LIMCH1: variants seen among roughly 807,000 people sequenced by gnomAD.
The protein encoded by LIMCH1 is LIM and calponin homology domains 1, also known as LIM and calponin homology domains-containing protein 1.
In LIMCH1, 113 loss-of-function variants were observed where a neutral mutation model predicts 176.5. The observed-to-expected ratio is 0.64, with a 90% CI of 0.55 to 0.75. The LOEUF is 0.75. LIMCH1 is among the 30% of genes least tolerant of loss of function. The pLI, the probability that LIMCH1 is intolerant of heterozygous loss-of-function variation, is 0.00. For synonymous variants in LIMCH1, 619 were observed against 645.9 expected (o/e 0.96, Z 0.63); for missense variants, 1,674 against 1,814.9 (o/e 0.92, Z 1.41).
At chr4:41,692,189 G>A in intron 30 of LIMCH1, 93 bp from the exon 31 acceptor site, 1 of 772,724 alleles carries the variant, frequency 1.3e-6, no homozygotes, top group Non-Finnish European at 2.3e-6. Flanking sequence ...ATTGTAGAAG[G>A]GATTATTGTG....
chr4:41,577,237 G>A (rs1056496382), intron 1 of LIMCH1, among the ~76,000 whole-genome samples: 3 of 151,556 alleles, frequency 2.0e-5, no homozygotes, highest in African/African-American at 7.3e-5. Context: ...CTGGAGACCA[G>A]AACTAAAAGG....
intron 1 of LIMCH1, among the ~76,000 whole-genome samples, chr4:41,486,177 T>C (rs1326282083): frequency 6.6e-6 from 1 of 152,202 alleles, no homozygotes; most frequent in East Asian, 1.9e-4. Flanking sequence ...TGAATGCTTC[T>C]GAACCTGGGC....
intron 1 of LIMCH1, among the ~76,000 whole-genome samples, chr4:41,439,649 A>G (rs1212546473): frequency 6.6e-6 from 1 of 152,032 alleles, no homozygotes; most frequent in Non-Finnish European, 1.5e-5. Context: ...TCACGCTTGG[A>G]ATCCCAGCAC....
chr4:41,603,971 G>A lies in LIMCH1; in HGVS notation c.-103+66G>A, dbSNP rs2090339268. On this transcript the variant is annotated intron_variant, in intron 3 of 31. Coordinates refer to ENST00000503057, the MANE Select transcript of LIMCH1 (RefSeq NM_001330672.2). ...AAGTGTAAAATTTAGCTAATTCAGT[G>A]TTTCTCATATGCCTTGCTGGAAAAA... is the stretch of plus-strand genomic sequence containing the variant. 2.2e-6 allele frequency: 3 copies of A among 1,364,484 alleles called. No individual in the cohort carries two copies. In the African/African-American group the frequency reaches 4.3e-5, roughly 20 times the overall value. 84.5% of individuals were successfully genotyped at this position (1,364,484 alleles called of 1,614,324 possible). A position where few individuals can be genotyped will look rare whatever the true frequency, so the allele number is the denominator to read the frequency against.
chr4:41,546,138 C>G lies in LIMCH1; in HGVS notation c.-241+7788C>G, dbSNP rs550381845. 3.3e-5 allele frequency among the ~76,000 whole-genome samples: 5 copies of G among 151,974 alleles called. No individual in the cohort carries two copies. The South Asian group carries it at 1.0e-3, about 32-fold the overall frequency. Reference sequence around the variant, plus strand: ...AGAGTAGAAAGAAGCCTTCATTGGTCTGTTTTTTTTGTTTTTTTGAGATGG... The same window carrying G: ...AGAGTAGAAAGAAGCCTTCATTGGTGTGTTTTTTTTGTTTTTTTGAGATGG... On this transcript the variant is annotated intron_variant, in intron 1 of 31. Transcript: ENST00000503057.
At chr4:41,632,702 C>A in intron 10 of LIMCH1, 47 bp from the exon 11 acceptor site, 1 of 1,433,946 alleles carries the variant, frequency 7.0e-7, no homozygotes, top group South Asian at 1.2e-5. Context: ...TTTCGTAACC[C>A]ATGTTCCTCT....
intron 1 of LIMCH1, among the ~76,000 whole-genome samples, chr4:41,486,889 C>T (rs962675270): frequency 6.6e-6 from 1 of 151,626 alleles, no homozygotes; most frequent in Non-Finnish European, 1.5e-5. Flanking sequence ...TCAAGTGATT[C>T]TCCTCCCTCA....
chr4:41,458,908 A>C (rs1582539273), intron 1 of LIMCH1, among the ~76,000 whole-genome samples: 1 of 152,120 alleles, frequency 6.6e-6, no homozygotes, highest in South Asian at 2.1e-4. Flanking sequence ...ATGACTTTGC[A>C]TGAACTTATA....
At chr4:41,570,274 C>G (rs151238163) in intron 1 of LIMCH1, among the ~76,000 whole-genome samples, 1 of 152,348 alleles carries the variant, frequency 6.6e-6, no homozygotes, top group Non-Finnish European at 1.5e-5. Flanking sequence ...AAGCTCTGAC[C>G]TGAGGCATTC....
rs116532696 is a variant in LIMCH1 at position 41,375,870 on chromosome 4, G to A, written c.96+14934G>A. Among the ~76,000 whole-genome samples, 1,430 of 152,306 alleles carry A rather than the reference G, an allele frequency of 9.4e-3. 21 individuals are homozygous for A. The highest frequency in any genetic ancestry group is 0.031 in the African/African-American group (1,308 of 41,562). On this transcript the variant is annotated intron_variant, in intron 1 of 26. Coordinates refer to the LIMCH1 transcript ENST00000313860. ...GAGTCAGGATACTTGAAAGCTCACA[G>A]GTTACTTTGCTAATTCTTGGGCAGA...
At chr4:41,584,689 T>G (rs2152696030) in intron 1 of LIMCH1, among the ~76,000 whole-genome samples, 1 of 152,318 alleles carries the variant, frequency 6.6e-6, no homozygotes, top group South Asian at 2.1e-4. Context: ...TGTTTGTTTG[T>G]TTGTTTTGCA....
chr4:41,443,935 T>C (rs1463206864), intron 1 of LIMCH1, among the ~76,000 whole-genome samples: 2 of 152,210 alleles, frequency 1.3e-5, no homozygotes, highest in Admixed American at 6.5e-5. Flanking sequence ...TTAAAACTCG[T>C]AGACTCAAGG....
In LIMCH1 at chr4:41,619,314, TC is replaced by T; in HGVS notation, c.335del (p.Pro112ArgfsTer14). On this transcript the variant is annotated frameshift_variant, in exon 6 of 32. Coordinates refer to ENST00000503057, the MANE Select transcript of LIMCH1 (RefSeq NM_001330672.2). LOFTEE classifies it high-confidence loss of function. Reference sequence around the variant, plus strand: ...TCAGCAGTGCCTTTTAACCAGTACCTCCCGAACAAAAGCAATCAGACGGCCT... The same window carrying T: ...TCAGCAGTGCCTTTTAACCAGTACCTCCGAACAAAAGCAATCAGACGGCCT... ...PKSAVPFNQYLPNKSNQTAYV... is the reference protein window; with the variant it reads ...PKSAVPFNQYXPNKSNQTAYV... The T allele has an allele frequency of 1.2e-6, 2 of 1,614,022 alleles. No homozygotes were observed. The highest frequency in any genetic ancestry group is 1.7e-6 in the Non-Finnish European group (2 of 1,180,014).
intron 1 of LIMCH1, among the ~76,000 whole-genome samples, chr4:41,366,741 C>T (rs1469086178): frequency 3.3e-5 from 5 of 152,122 alleles, no homozygotes; most frequent in South Asian, 2.1e-4. Context: ...GGAATGATGC[C>T]GTGGAATTCA....
At chr4:41,680,852 A>G in intron 24 of LIMCH1, 103 bp from the exon 25 acceptor site, 1 of 620,806 alleles carries the variant, frequency 1.6e-6, no homozygotes, top group East Asian at 2.6e-5. Flanking sequence ...TGCTTGTTCG[A>G]ACATATTCTG....
chr4:41,633,187 C>T (rs1029631586), intron 12 of LIMCH1, 102 bp downstream of exon 12: 2 of 794,776 alleles, frequency 2.5e-6, no homozygotes, highest in South Asian at 1.7e-5. Flanking sequence ...CTGCACCTGG[C>T]GACTGATAGA....
At chr4:41,656,469 G>A (rs943201136) in intron 18 of LIMCH1, among the ~76,000 whole-genome samples, 13 of 152,108 alleles carry the variant, frequency 8.5e-5, no homozygotes, top group African/African-American at 2.4e-4. Context: ...ATACATCAGG[G>A]AAAATAAAAA....
At chr4:41,646,061 G>T in intron 15 of LIMCH1, 62 bp from the exon 16 acceptor site, 1 of 1,512,634 alleles carries the variant, frequency 6.6e-7, no homozygotes, top group South Asian at 1.3e-5. Flanking sequence ...AAACTCTGAA[G>T]AATAGAAATG....
rs11384675 is a variant in LIMCH1 at position 41,526,261 on chromosome 4, CTTTTTT to C, written c.237+1793_237+1798del. On this transcript the variant is annotated intron_variant, in intron 3 of 26. Coordinates refer to the LIMCH1 transcript ENST00000313860. The stretch of plus-strand genomic sequence containing the variant: ...CCTTTTCACTTTGTCCTTGCTATCG[CTTTTTT>C]TTTTTTTTTGCCCCTTTCAATGAAC... Among the ~76,000 whole-genome samples the C allele has an allele frequency of 7.6e-5, 10 of 131,018 alleles. No individual in the cohort carries two copies. In the East Asian group the frequency reaches 2.0e-3, roughly 26 times the overall value. 86.0% of individuals were successfully genotyped at this position (131,018 alleles called of 152,430 possible). A position where few individuals can be genotyped will look rare whatever the true frequency, so the allele number is the denominator to read the frequency against.
Sources: gnomAD v4.1 joint callset for allele counts (sites outside exome capture counted in the v4.1 genomes callset) on GRCh38, gnomAD v4.1.1 for gene constraint, MANE v1.5 for transcripts, NCBI Gene and HGNC (gene_info 2026-07-23, HGNC 2026-07-21) for gene names.